BMAL2: variants seen among roughly 807,000 people sequenced by gnomAD.
BMAL2 encodes basic helix-loop-helix ARNT like 2.
At chr12:27,374,812 C>T in the BMAL2 span, among the ~76,000 whole-genome samples, 1 of 152,186 alleles carries the variant, frequency 6.6e-6, no homozygotes, top group South Asian at 2.1e-4. Flanking sequence ...ATTAACTTTA[C>T]TCAACTCCTT....
At chr12:27,333,253 G>A in the BMAL2 span, 2 of 826,584 alleles carry the variant, frequency 2.4e-6, no homozygotes, top group Non-Finnish European at 3.1e-6. Context: ...CCTCCGAGGG[G>A]CGGTGGGACA....
the BMAL2 span, among the ~76,000 whole-genome samples, chr12:27,348,118 C>T: frequency 6.6e-6 from 1 of 152,154 alleles, no homozygotes; most frequent in East Asian, 1.9e-4. Context: ...GTTCAGTTTT[C>T]CCACCTGCTA....
At chr12:27,357,529 T>C in the BMAL2 span, among the ~76,000 whole-genome samples, 6 of 152,278 alleles carry the variant, frequency 3.9e-5, no homozygotes, top group African/African-American at 1.2e-4. Context: ...GAAATTCATA[T>C]GGAGCCAAAA....
chr12:27,380,900 C>T, the BMAL2 span, among the ~76,000 whole-genome samples: 43 of 151,580 alleles, frequency 2.8e-4, no homozygotes, highest in African/African-American at 1.0e-3. Context: ...GTGGGAGGAT[C>T]GCTTGAGCCT....
the BMAL2 span, among the ~76,000 whole-genome samples, chr12:27,366,773 C>A: frequency 6.6e-6 from 1 of 152,104 alleles, no homozygotes; most frequent in Non-Finnish European, 1.5e-5. Context: ...TTTGTACTGG[C>A]AAATAAAATA....
the BMAL2 span, among the ~76,000 whole-genome samples, chr12:27,380,723 A>G: frequency 6.6e-6 from 1 of 152,298 alleles, no homozygotes; most frequent in Non-Finnish European, 1.5e-5. Context: ...GAAGTTCTGA[A>G]GTTGAGCTGG....
chr12:27,368,437 CA>C, the BMAL2 span: 1 of 1,609,570 alleles, frequency 6.2e-7, no homozygotes, highest in South Asian at 1.1e-5. Flanking sequence ...TCCTCTAACC[CA>C]GTGAGATCTT....
At chr12:27,406,735 C>G in the BMAL2 span, among the ~76,000 whole-genome samples, 1 of 152,160 alleles carries the variant, frequency 6.6e-6, no homozygotes, top group Non-Finnish European at 1.5e-5. Flanking sequence ...CAAATTCCCA[C>G]ATAACAATAT....
the BMAL2 span, chr12:27,403,407 G>T: frequency 7.2e-7 from 1 of 1,384,956 alleles, no homozygotes; most frequent in South Asian, 1.2e-5. Context: ...GTCCTCAACT[G>T]AATTTCTCCT....
At chr12:27,387,559 A>G in the BMAL2 span, among the ~76,000 whole-genome samples, 7 of 152,262 alleles carry the variant, frequency 4.6e-5, no homozygotes, top group East Asian at 9.6e-4. Flanking sequence ...GCTTCTTCCT[A>G]TGTAAAAAGT....
chr12:27,401,680 TA>T, the BMAL2 span: 2 of 1,562,820 alleles, frequency 1.3e-6, no homozygotes, highest in Non-Finnish European at 8.7e-7. Flanking sequence ...GTTTTGTAAG[TA>T]ATTTTTTATG....
chr12:27,404,561 A>G, the BMAL2 span, among the ~76,000 whole-genome samples: 1 of 152,346 alleles, frequency 6.6e-6, no homozygotes, highest in African/African-American at 2.4e-5. Context: ...TCTTTACACT[A>G]AAATAAATTA....
chr12:27,374,115 G>A, the BMAL2 span, among the ~76,000 whole-genome samples: 19 of 152,134 alleles, frequency 1.2e-4, no homozygotes, highest in Non-Finnish European at 2.6e-4. Flanking sequence ...TTCACTCAGT[G>A]AGTTCATTTG....
At chr12:27,420,595 C>T in the BMAL2 span, 12 of 1,486,068 alleles carry the variant, frequency 8.1e-6, no homozygotes, top group Non-Finnish European at 1.1e-5. Flanking sequence ...GAAAAACTGT[C>T]TCAACTATTC....
chr12:27,424,908 G>A, the BMAL2 span: 24 of 152,322 alleles, frequency 1.6e-4, no homozygotes, highest in African/African-American at 5.5e-4. Flanking sequence ...CCTACAATAA[G>A]TCAGCCTGTC....
the BMAL2 span, chr12:27,423,647 A>T: frequency 6.6e-6 from 1 of 151,810 alleles, no homozygotes; most frequent in Non-Finnish European, 1.5e-5. Flanking sequence ...ACTTTTTTTA[A>T]CCCTAAGAAT....
At chr12:27,380,522 T>C in the BMAL2 span, 1 of 1,079,720 alleles carries the variant, frequency 9.3e-7, no homozygotes, top group South Asian at 1.5e-5. Flanking sequence ...GTCTTTCAGC[T>C]TTAGAGGTAT....
At chr12:27,344,204 T>G in the BMAL2 span, among the ~76,000 whole-genome samples, 6 of 152,266 alleles carry the variant, frequency 3.9e-5, no homozygotes, top group East Asian at 1.2e-3. Context: ...CTTCAGAGCT[T>G]TTAACCTTGC....
At chr12:27,406,171 AG>A in the BMAL2 span, among the ~76,000 whole-genome samples, 1 of 152,242 alleles carries the variant, frequency 6.6e-6, no homozygotes, top group Non-Finnish European at 1.5e-5. Context: ...AACACTCTGC[AG>A]GATATTATCC....
Sources: gnomAD v4.1 joint callset for allele counts (sites outside exome capture counted in the v4.1 genomes callset) on GRCh38, gnomAD v4.1.1 for gene constraint, MANE v1.5 for transcripts, NCBI Gene and HGNC (gene_info 2026-07-23, HGNC 2026-07-21) for gene names.